Variants in NAV3 observed in about 807,000 individuals in gnomAD.
NAV3 encodes neuron navigator 3, also known as pore membrane and/or filament interacting like protein 1.
In NAV3, 87 loss-of-function variants were observed where a neutral mutation model predicts 244.7. The ratio of observed to expected loss-of-function variants is 0.36; its 90% CI spans 0.30 to 0.42. The LOEUF (loss-of-function observed/expected upper bound fraction) is 0.42. Ranked by LOEUF, NAV3 falls within the 20% of genes least tolerant of loss-of-function variation. The probability of loss-of-function intolerance (pLI) is 1.00; values close to 1 mark genes in which losing one functional copy is unlikely to be tolerated. For missense variants in NAV3, 2,663 were observed against 2,893.3 expected (o/e 0.92, Z 1.83); for synonymous variants, 1,126 against 1,042.2 (o/e 1.08, Z -1.55).
intron 18 of NAV3, among the ~76,000 whole-genome samples, chr12:78,134,737 G>A (rs1380493751): frequency 5.9e-5 from 9 of 152,134 alleles, no homozygotes; most frequent in African/African-American, 1.9e-4. Flanking sequence ...CTGGAAGACA[G>A]AGTGAGACCC....
intron 5 of NAV3, among the ~76,000 whole-genome samples, chr12:77,969,169 TGC>T (rs371838509): frequency 1.4e-5 from 2 of 146,008 alleles, no homozygotes; most frequent in Admixed American, 6.9e-5. Context: ...TGTGTGTGTG[TGC>T]ATGAGTGTGT....
intron 20 of NAV3, among the ~76,000 whole-genome samples, chr12:78,143,665 G>A (rs1446358056): frequency 1.3e-5 from 2 of 150,980 alleles, no homozygotes; most frequent in Non-Finnish European, 3.0e-5. Flanking sequence ...GAGAGGGGAG[G>A]GAGAGGGAGA....
At chr12:77,955,531 C>T (rs145183023) in intron 3 of NAV3, among the ~76,000 whole-genome samples, 127 of 152,232 alleles carry the variant, frequency 8.3e-4, no homozygotes, top group Admixed American at 2.1e-3. Context: ...GTCTTAGTTA[C>T]TAATAACTTT....
rs546982247 is a variant in NAV3 at position 77,681,817 on chromosome 12, T to C, written c.72+109551T>C. On this transcript the variant is annotated intron_variant, in intron 2 of 8. Transcript: ENST00000550042. ...TCTCTCTCCCAGAGGAAATTACTCC[T>C]TTAATTTCTGGCTTTATAGAATGTT... Among the ~76,000 whole-genome samples the C allele has an allele frequency of 7.2e-5, 11 of 152,364 alleles. No individual in the cohort carries two copies. The East Asian group carries it at 2.1e-3, about 29-fold the overall frequency.
chr12:78,212,450 T>C lies in NAV3; in HGVS notation c.*1933T>C, dbSNP rs143997496. ...GAGTGTCACAAAGTCAATAGGTCCT[T>C]ACACGGTGCTATTGCCCTAAGGGAA... On this transcript the variant is annotated 3_prime_UTR_variant, in exon 40 of 40. Transcript: ENST00000397909. 2 of 152,770 alleles carry C rather than the reference T, an allele frequency of 1.3e-5. No individual in the cohort carries two copies. Among genetic ancestry groups the C allele is most frequent in the African/African-American group, 4.8e-5 (2 of 41,588 alleles). 9.5% of individuals were successfully genotyped at this position (152,770 alleles called of 1,614,324 possible). A position where few individuals can be genotyped will look rare whatever the true frequency, so the allele number is the denominator to read the frequency against.
intron 9 of NAV3, among the ~76,000 whole-genome samples, chr12:78,049,404 G>C (rs1345455916): frequency 6.6e-6 from 1 of 152,184 alleles, no homozygotes; most frequent in Admixed American, 6.5e-5. Context: ...TAGTATCTGG[G>C]CTGGATAGCT....
intron 5 of NAV3, among the ~76,000 whole-genome samples, chr12:77,991,403 C>T (rs1871420392): frequency 6.6e-6 from 1 of 152,062 alleles, no homozygotes; most frequent in Non-Finnish European, 1.5e-5. Context: ...GAAGAGATTG[C>T]TTTGAAGAAA....
intron 3 of NAV3, among the ~76,000 whole-genome samples, chr12:77,956,545 A>G (rs879704994): frequency 1.3e-5 from 2 of 152,130 alleles, no homozygotes; most frequent in Non-Finnish European, 2.9e-5. Flanking sequence ...TTTGAGTCCA[A>G]TGGGCAACAC....
chr12:78,020,058 A>G (rs1474939310), intron 8 of NAV3, among the ~76,000 whole-genome samples: 2 of 152,180 alleles, frequency 1.3e-5, no homozygotes, highest in Non-Finnish European at 2.9e-5. Flanking sequence ...ATTTAGAGAG[A>G]CTATAGACAA....
chr12:77,735,636 T>C (rs1877303412), intron 2 of NAV3, among the ~76,000 whole-genome samples: 1 of 152,156 alleles, frequency 6.6e-6, no homozygotes, highest in South Asian at 2.1e-4. Context: ...GATATTATTT[T>C]ATCACTATGA....
chr12:78,038,940 T>G (rs1261516435), intron 9 of NAV3, among the ~76,000 whole-genome samples: 3 of 152,180 alleles, frequency 2.0e-5, no homozygotes, highest in Non-Finnish European at 4.4e-5. Context: ...TGTGCCTTTT[T>G]GTGCATAAAT....
At position 78,119,385 on chromosome 12, in the gene NAV3, C is replaced by T. The variant is rs773648384; in HGVS notation, c.3189C>T (p.Ser1063=). Residue 1063 remains serine, a synonymous_variant, in exon 15 of 40, where the codon AGC becomes AGT. Coordinates refer to ENST00000397909, the MANE Select transcript of NAV3 (RefSeq NM_001024383.2). ...GCATTGGAAGATCGACTGCCACCAG[C>T]TCCTTTGGCTTTAAGAAACCAAGTG... ...PSGIGRSTAT[S]SFGFKKPSGV... The T allele has an allele frequency of 6.2e-7, 1 of 1,614,230 alleles. No individual in the cohort carries two copies. The highest frequency in any genetic ancestry group is 8.5e-7 in the Non-Finnish European group (1 of 1,180,038).
At chr12:77,742,579 T>A (rs1401037858) in intron 2 of NAV3, among the ~76,000 whole-genome samples, 1 of 152,082 alleles carries the variant, frequency 6.6e-6, no homozygotes, top group African/African-American at 2.4e-5. Flanking sequence ...TATTTTATCA[T>A]TTACTACCAT....
chr12:77,722,839 T>C lies in NAV3; in HGVS notation c.72+150573T>C, dbSNP rs186565801. ...AGTGTTTATGAGGATAGCAGTTTTC[T>C]AGCCAAAATCTCACTCATGAAGTTC... On this transcript the variant is annotated intron_variant, in intron 2 of 8. Transcript: ENST00000550042. 5.3e-5 allele frequency among the ~76,000 whole-genome samples: 8 copies of C among 152,182 alleles called. No homozygotes were observed. The East Asian group carries it at 9.7e-4, about 18-fold the overall frequency.
chr12:77,808,235 T>C (rs9668919), intron 2 of NAV3, among the ~76,000 whole-genome samples: 139,613 of 152,156 alleles, frequency 0.92, 64,961 homozygotes, highest in Non-Finnish European at 0.99. Context: ...GGAGTTGTGA[T>C]CCTTTGGAGG....
chr12:77,835,731 C>T (rs1241865858), intron 1 of NAV3, among the ~76,000 whole-genome samples: 1 of 152,184 alleles, frequency 6.6e-6, no homozygotes, highest in Non-Finnish European at 1.5e-5. Flanking sequence ...TCCTGTGTCT[C>T]TCTACCCACA....
At chr12:77,610,673 T>G (rs894474879) in intron 2 of NAV3, among the ~76,000 whole-genome samples, 4 of 152,028 alleles carry the variant, frequency 2.6e-5, no homozygotes, top group Non-Finnish European at 4.4e-5. Flanking sequence ...CACTCAGAAT[T>G]TCAAAGAACA....
At chr12:78,116,137 G>A (rs1033109585) in intron 12 of NAV3, among the ~76,000 whole-genome samples, 1 of 152,182 alleles carries the variant, frequency 6.6e-6, no homozygotes, top group Non-Finnish European at 1.5e-5. Context: ...CTCCATGTTA[G>A]CAGATAAAGT....
chr12:78,180,734 A>G (rs1958461623), intron 29 of NAV3, 137 bp from the exon 30 acceptor site: 1 of 714,680 alleles, frequency 1.4e-6, no homozygotes, highest in Non-Finnish European at 2.2e-6. Context: ...ATCCTATTTC[A>G]TATCTTATAT....
Sources: allele counts gnomAD v4.1 joint callset (sites outside exome capture counted in the v4.1 genomes callset), GRCh38; gene constraint gnomAD v4.1.1; transcripts MANE v1.5; gene names NCBI Gene and HGNC (gene_info 2026-07-23, HGNC 2026-07-21).